The following LOC400499 variants were observed in gnomAD, a reference collection of about 807,000 sequenced individuals.
chr16:11,393,545 C>G, the LOC400499 span: 1 of 1,232,512 alleles, frequency 8.1e-7, no homozygotes, highest in Non-Finnish European at 1.0e-6. Context: ...CCCGCTGAGC[C>G]TTGGAGCCAC....
the LOC400499 span, chr16:11,391,708 A>T: frequency 1.6e-6 from 2 of 1,231,856 alleles, no homozygotes; most frequent in African/African-American, 3.1e-5. Context: ...ACCTGCAGCC[A>T]CTCCAGGTAA....
chr16:11,438,214 G>T, the LOC400499 span, among the ~76,000 whole-genome samples: 92 of 152,240 alleles, frequency 6.0e-4, no homozygotes, highest in African/African-American at 2.1e-3. Flanking sequence ...GGAACAAATG[G>T]TTAATATGAT....
the LOC400499 span, chr16:11,478,637 C>T: frequency 4.5e-5 from 18 of 399,044 alleles, no homozygotes; most frequent in Admixed American, 5.3e-4. Flanking sequence ...AGCAACTTCA[C>T]GCTCAGCTCG....
At chr16:11,406,823 A>G in the LOC400499 span, among the ~76,000 whole-genome samples, 1 of 152,150 alleles carries the variant, frequency 6.6e-6, no homozygotes, top group Non-Finnish European at 1.5e-5. Context: ...CACCTAATCT[A>G]AATAAGCTCC....
chr16:11,498,675 G>C, the LOC400499 span, among the ~76,000 whole-genome samples: 5 of 151,530 alleles, frequency 3.3e-5, no homozygotes, highest in African/African-American at 1.2e-4. Context: ...CTCGATGACA[G>C]AACAAGAAAA....
chr16:11,384,436 G>T, the LOC400499 span: 3 of 509,146 alleles, frequency 5.9e-6, no homozygotes, highest in Non-Finnish European at 9.1e-6. Context: ...GCACACAGAG[G>T]AGCAGTAGAG....
At chr16:11,396,484 ACT>A in the LOC400499 span, 1 of 1,231,966 alleles carries the variant, frequency 8.1e-7, no homozygotes, top group Non-Finnish European at 1.0e-6. Context: ...TTTCCCAGGG[ACT>A]GTCAGCCCCA....
chr16:11,393,306 A>G, the LOC400499 span: 1 of 1,144,706 alleles, frequency 8.7e-7, no homozygotes, highest in Non-Finnish European at 1.1e-6. Flanking sequence ...GACTTCTGAA[A>G]TCTTAACGCC....
the LOC400499 span, chr16:11,407,169 G>C: frequency 2.5e-6 from 1 of 398,926 alleles, no homozygotes; most frequent in Non-Finnish European, 4.4e-6. Flanking sequence ...CCACCCCAGC[G>C]TGCTCCGGCC....
the LOC400499 span, among the ~76,000 whole-genome samples, chr16:11,507,144 T>C: frequency 5.8e-4 from 89 of 152,304 alleles, no homozygotes; most frequent in East Asian, 0.016. Context: ...AGGGGTCCTC[T>C]TGGGGCCAAA....
At chr16:11,477,478 C>T in the LOC400499 span, among the ~76,000 whole-genome samples, 1 of 152,204 alleles carries the variant, frequency 6.6e-6, no homozygotes, top group Non-Finnish European at 1.5e-5. Flanking sequence ...TAAGAAGCAC[C>T]AGGCTTGGTT....
the LOC400499 span, among the ~76,000 whole-genome samples, chr16:11,495,383 CTTT>C: frequency 2.8e-5 from 4 of 143,572 alleles, no homozygotes; most frequent in African/African-American, 2.5e-5. Context: ...ACCAACAAAT[CTTT>C]TTTTTTTTTT....
the LOC400499 span, among the ~76,000 whole-genome samples, chr16:11,503,175 C>G: frequency 1.3e-5 from 2 of 152,090 alleles, no homozygotes; most frequent in South Asian, 2.1e-4. Context: ...TTGGCCTCCC[C>G]AAGTGCTGGG....
chr16:11,459,733 T>C, the LOC400499 span, among the ~76,000 whole-genome samples: 3 of 152,198 alleles, frequency 2.0e-5, no homozygotes, highest in African/African-American at 4.8e-5. Flanking sequence ...CCTGGGGACA[T>C]GGGGTCATGG....
the LOC400499 span, chr16:11,389,997 G>C: frequency 6.2e-6 from 4 of 641,702 alleles, no homozygotes; most frequent in Non-Finnish European, 6.7e-6. Context: ...GAAGCCCCTG[G>C]GCAGGGTGGT....
the LOC400499 span, chr16:11,476,725 G>A: frequency 1.5e-5 from 6 of 399,320 alleles, no homozygotes; most frequent in African/African-American, 6.2e-5. Flanking sequence ...CTGCACCCTC[G>A]TGCTCATGGT....
the LOC400499 span, among the ~76,000 whole-genome samples, chr16:11,427,046 C>G: frequency 1.3e-5 from 2 of 150,892 alleles, no homozygotes; most frequent in Admixed American, 6.6e-5. Context: ...GGAAGCTACA[C>G]GAGCAAATAA....
chr16:11,488,628 T>C, the LOC400499 span: 1 of 396,704 alleles, frequency 2.5e-6, no homozygotes, highest in East Asian at 3.6e-5. Flanking sequence ...CTGATCCACA[T>C]GCTCTCAAGA....
chr16:11,456,956 G>A, the LOC400499 span: 1 of 1,536,242 alleles, frequency 6.5e-7, no homozygotes, highest in Non-Finnish European at 8.7e-7. Flanking sequence ...GGTGACTGCT[G>A]CTCTCCACAT....
Sources: allele counts gnomAD v4.1 joint callset (sites outside exome capture counted in the v4.1 genomes callset), GRCh38; gene constraint gnomAD v4.1.1; transcripts MANE v1.5.